The following MUCL1 variants were observed in gnomAD, a reference collection of about 807,000 sequenced individuals.
The protein encoded by MUCL1 is mucin like 1.
In MUCL1, 11 loss-of-function variants were observed where a neutral mutation model predicts 9.2. That is an observed-to-expected ratio of 1.19 (90% CI 0.75 to 1.97). The LOEUF (loss-of-function observed/expected upper bound fraction) is 1.97. Ranked by LOEUF, MUCL1 falls within the 30% of genes most tolerant of loss-of-function variation. The pLI is 0.00. For synonymous variants in MUCL1, 48 were observed against 40.5 expected (o/e 1.19, Z -0.71); for missense variants, 144 against 110.9 (o/e 1.30, Z -1.34).
At chr12:54,841,899 G>A (rs1325741702) in intron 1 of MUCL1, among the ~76,000 whole-genome samples, 1 of 152,088 alleles carries the variant, frequency 6.6e-6, no homozygotes, top group Non-Finnish European at 1.5e-5. Flanking sequence ...ACATTCAGGA[G>A]GCATTCTCTT....
chr12:54,854,044 G>A (rs930361102), upstream of MUCL1, among the ~76,000 whole-genome samples: 2 of 148,926 alleles, frequency 1.3e-5, no homozygotes, highest in African/African-American at 2.4e-5. Context: ...CAGGAGGGAG[G>A]CCATGACTCG....
chr12:54,839,366 T>C, upstream of MUCL1: 1 of 701,412 alleles, frequency 1.4e-6, no homozygotes, highest in Non-Finnish European at 2.6e-6. Flanking sequence ...CCCTCAGTAT[T>C]TTATTTACTG....
intron 1 of MUCL1, 135 bp downstream of exon 1, chr12:54,854,775 G>T: frequency 2.8e-6 from 2 of 725,846 alleles, no homozygotes; most frequent in South Asian, 1.9e-5. Flanking sequence ...CATTTTGACT[G>T]ACCGTTCAAG....
intron 1 of MUCL1, among the ~76,000 whole-genome samples, chr12:54,847,738 T>G (rs1320283103): frequency 1.3e-5 from 2 of 152,238 alleles, no homozygotes; most frequent in Admixed American, 6.5e-5. Context: ...ATTTTGGGGA[T>G]TACTTTAGTT....
At chr12:54,841,728 C>T (rs1959213015) in intron 1 of MUCL1, among the ~76,000 whole-genome samples, 4 of 152,218 alleles carry the variant, frequency 2.6e-5, no homozygotes, top group East Asian at 3.9e-4. Flanking sequence ...AATATTAACC[C>T]TTTATCAGAT....
rs758547450 is a variant in MUCL1, at chr12:54,856,760, C to G, written c.101-10C>G. ...TCAGTCTCACCTAGAGCTTTTCCTTCTAATTTCAGCTGGTCCTGCTGATGA... is the reference window on the plus strand; with the variant it reads ...TCAGTCTCACCTAGAGCTTTTCCTTGTAATTTCAGCTGGTCCTGCTGATGA... On this transcript the variant is annotated splice_polypyrimidine_tract_variant and intron_variant, in intron 2 of 3. Transcript: ENST00000308796. The G allele has an allele frequency of 1.2e-6, 2 of 1,603,968 alleles. No individual in the cohort carries two copies. The highest frequency in any genetic ancestry group is 1.1e-5 in the South Asian group (1 of 90,124).
At chr12:54,854,450 T>C, upstream of MUCL1, 2 of 651,626 alleles carry the variant, frequency 3.1e-6, no homozygotes, top group Non-Finnish European at 5.3e-6. Context: ...TAACCTGGAT[T>C]CTGGTTGACA....
chr12:54,841,875 T>C (rs1032795214), intron 1 of MUCL1, among the ~76,000 whole-genome samples: 13 of 152,158 alleles, frequency 8.5e-5, no homozygotes, highest in African/African-American at 3.1e-4. Context: ...CCCAAAAAAT[T>C]ATCACCATAA....
At chr12:54,831,286 C>T (rs772167393) in intron 1 of MUCL1, among the ~76,000 whole-genome samples, 7 of 152,028 alleles carry the variant, frequency 4.6e-5, no homozygotes, top group Non-Finnish European at 7.4e-5. Context: ...TAAATGAGTG[C>T]TTATATAAAT....
chr12:54,846,573 T>C (rs1412801808), intron 1 of MUCL1, among the ~76,000 whole-genome samples: 1 of 151,872 alleles, frequency 6.6e-6, no homozygotes, highest in Non-Finnish European at 1.5e-5. Flanking sequence ...AGGAAATGAG[T>C]ATATAGCAGT....
chr12:54,835,501 A>T (rs1959191473), upstream of MUCL1, among the ~76,000 whole-genome samples: 1 of 151,766 alleles, frequency 6.6e-6, no homozygotes, highest in African/African-American at 2.4e-5. Flanking sequence ...CATTTCCCTG[A>T]TGATTAGCAA....
upstream of MUCL1, among the ~76,000 whole-genome samples, chr12:54,851,168 C>G (rs12367018): frequency 0.18 from 27,905 of 152,088 alleles, 2,807 homozygotes; most frequent in Non-Finnish European, 0.24. Context: ...AGTTTAATTA[C>G]AACCCATTTG....
intron 1 of MUCL1, among the ~76,000 whole-genome samples, chr12:54,841,623 G>T (rs995751163): frequency 6.6e-6 from 1 of 152,046 alleles, no homozygotes; most frequent in African/African-American, 2.4e-5. Flanking sequence ...AATCCTTGTT[G>T]GCTATGTGTA....
Position 54,858,295 on chromosome 12 carries a change from G to C in MUCL1, c.*53G>C. ...TTGGTCACAACTATTCATGCTTCCT[G>C]TGATTTCATCCAACTACTTACCTTG... On this transcript the variant is annotated 3_prime_UTR_variant, in exon 4 of 4. Coordinates refer to ENST00000308796, the MANE Select transcript of MUCL1 (RefSeq NM_058173.3). The C allele has an allele frequency of 2.5e-6, 4 of 1,606,896 alleles. No homozygotes were observed. Among genetic ancestry groups the C allele is most frequent in the Non-Finnish European group, 2.6e-6 (3 of 1,173,786 alleles).
intron 1 of MUCL1, among the ~76,000 whole-genome samples, chr12:54,841,195 A>G (rs1374545133): frequency 6.6e-6 from 1 of 152,232 alleles, no homozygotes; most frequent in African/African-American, 2.4e-5. Flanking sequence ...AATAATACAT[A>G]CATGTATATG....
upstream of MUCL1, among the ~76,000 whole-genome samples, chr12:54,838,307 T>G (rs1370873536): frequency 6.6e-6 from 1 of 152,230 alleles, no homozygotes; most frequent in Non-Finnish European, 1.5e-5. Context: ...GCTGTTAGTT[T>G]GATATGTTTT....
chr12:54,853,229 C>G (rs1444469795), upstream of MUCL1, among the ~76,000 whole-genome samples: 1 of 152,202 alleles, frequency 6.6e-6, no homozygotes, highest in East Asian at 1.9e-4. Flanking sequence ...CAAGGGAAAT[C>G]TTTAAAATGT....
intron 1 of MUCL1, among the ~76,000 whole-genome samples, chr12:54,831,386 T>C (rs1366404156): frequency 2.6e-5 from 4 of 152,116 alleles, no homozygotes; most frequent in East Asian, 1.9e-4. Context: ...ATAAGATTAG[T>C]TTAATATTGT....
At chr12:54,846,141 C>T (rs1959250713) in intron 1 of MUCL1, among the ~76,000 whole-genome samples, 1 of 152,208 alleles carries the variant, frequency 6.6e-6, no homozygotes, top group Non-Finnish European at 1.5e-5. Flanking sequence ...AATGGTCACA[C>T]TGGCCCTCTA....
Sources: gnomAD v4.1 joint callset for allele counts (sites outside exome capture counted in the v4.1 genomes callset) on GRCh38, gnomAD v4.1.1 for gene constraint, MANE v1.5 for transcripts, NCBI Gene and HGNC (gene_info 2026-07-23, HGNC 2026-07-21) for gene names.